LRMDA: variants seen among roughly 807,000 people sequenced by gnomAD.
LRMDA encodes leucine rich melanocyte differentiation associated, also known as leucine-rich melanocyte differentiation-associated protein.
A neutral mutation model predicts 29.8 loss-of-function variants in LRMDA; 18 were observed. That is an observed-to-expected ratio of 0.60 (90% CI 0.42 to 0.90). The LOEUF (loss-of-function observed/expected upper bound fraction) is 0.90. Ranked by LOEUF, LRMDA falls within the 40% of genes least tolerant of loss-of-function variation. The pLI, the probability that LRMDA is intolerant of heterozygous loss-of-function variation, is 0.00. For missense variants in LRMDA, 273 were observed against 273.9 expected, an observed-to-expected ratio of 1.00 and a Z score of 0.02; for synonymous variants, 125 against 109.4, an observed-to-expected ratio of 1.14 and a Z score of -0.89.
chr10:75,929,468 T>G (rs1367283058), intron 2 of LRMDA, among the ~76,000 whole-genome samples: 1 of 152,190 alleles, frequency 6.6e-6, no homozygotes, highest in Non-Finnish European at 1.5e-5. Flanking sequence ...AACCTTCATT[T>G]TCGTGGTTGA....
chr10:76,450,987 C>CT (rs1181595345), intron 6 of LRMDA, among the ~76,000 whole-genome samples: 1 of 152,044 alleles, frequency 6.6e-6, no homozygotes, highest in Non-Finnish European at 1.5e-5. Context: ...ATATTGTTGT[C>CT]TTTTTTTGTA....
At chr10:76,246,262 C>G (rs73286971) in intron 5 of LRMDA, among the ~76,000 whole-genome samples, 1 of 152,054 alleles carries the variant, frequency 6.6e-6, no homozygotes, top group Non-Finnish European at 1.5e-5. Context: ...ATGGTCCTGG[C>G]GGACTGAAGG....
At chr10:75,965,199 G>A (rs1048295115) in intron 2 of LRMDA, among the ~76,000 whole-genome samples, 10 of 152,284 alleles carry the variant, frequency 6.6e-5, no homozygotes, top group Non-Finnish European at 1.2e-4. Flanking sequence ...AAAGAAGTGA[G>A]GCACTGCAGC....
chr10:76,020,835 C>T (rs932041444), intron 2 of LRMDA, among the ~76,000 whole-genome samples: 1 of 152,238 alleles, frequency 6.6e-6, no homozygotes, highest in Admixed American at 6.5e-5. Flanking sequence ...AGCAATTCTG[C>T]GCCTGAGGAA....
In LRMDA at chr10:76,095,945, A is replaced by G. The variant is rs1441015956; in HGVS notation, c.516+37162A>G. Among the ~76,000 whole-genome samples the G allele has an allele frequency of 9.7e-5, 14 of 143,686 alleles. No homozygotes were observed. In the East Asian group the frequency reaches 2.8e-3, roughly 29 times the overall value. 94.3% of individuals were successfully genotyped at this position (143,686 alleles called of 152,430 possible). Reference sequence around the variant, plus strand: ...GGGAGACAGCGAGACTCCGTCTCAGAAAAAAAAAAAAAAAGTGGGTTGTTT... The same window carrying G: ...GGGAGACAGCGAGACTCCGTCTCAGGAAAAAAAAAAAAAAGTGGGTTGTTT... On this transcript the variant is annotated intron_variant, in intron 5 of 6. Coordinates refer to ENST00000611255, the MANE Select transcript of LRMDA (RefSeq NM_001305581.2).
At chr10:75,433,709 C>G (rs1369843661) in intron 1 of LRMDA, among the ~76,000 whole-genome samples, 2 of 152,124 alleles carry the variant, frequency 1.3e-5, no homozygotes, top group African/African-American at 4.8e-5. Flanking sequence ...CGCAAAACTT[C>G]CCATGAGCCC....
intron 2 of LRMDA, among the ~76,000 whole-genome samples, chr10:75,439,826 AAGGAG>A (rs780358927): frequency 3.9e-5 from 6 of 152,132 alleles, no homozygotes; most frequent in Non-Finnish European, 7.4e-5. Context: ...TCCAGTACCT[AAGGAG>A]AGGACCGAGT....
At chr10:76,345,029 A>T (rs572274676) in intron 6 of LRMDA, among the ~76,000 whole-genome samples, 258 of 139,112 alleles carry the variant, frequency 1.9e-3, no homozygotes, top group Middle Eastern at 7.0e-3. Context: ...GATTTTATTT[A>T]AAAAAAACCT....
At chr10:76,189,272 G>A (rs765147292) in intron 5 of LRMDA, among the ~76,000 whole-genome samples, 4 of 152,060 alleles carry the variant, frequency 2.6e-5, no homozygotes, top group African/African-American at 4.8e-5. Context: ...CAGGAGAATC[G>A]CTTTGACGCT....
chr10:76,260,547 C>G (rs1051067812), intron 5 of LRMDA, among the ~76,000 whole-genome samples: 1 of 152,030 alleles, frequency 6.6e-6, no homozygotes, highest in Non-Finnish European at 1.5e-5. Flanking sequence ...TGCGGAGAAA[C>G]CCATTATTAA....
chr10:76,305,150 A>AT (rs1840537012), intron 5 of LRMDA, among the ~76,000 whole-genome samples: 1 of 152,156 alleles, frequency 6.6e-6, no homozygotes. Flanking sequence ...CACTTGCAGG[A>AT]TAAACCCAGG....
chr10:75,871,120 G>C (rs993389131), intron 2 of LRMDA, among the ~76,000 whole-genome samples: 5 of 152,066 alleles, frequency 3.3e-5, no homozygotes, highest in African/African-American at 1.2e-4. Flanking sequence ...ATTTCCCCTA[G>C]CTGTTCCCCT....
chr10:76,017,581 T>A (rs1168747865), intron 2 of LRMDA, among the ~76,000 whole-genome samples: 1 of 152,142 alleles, frequency 6.6e-6, no homozygotes, highest in Non-Finnish European at 1.5e-5. Flanking sequence ...CTGTCCGAGG[T>A]CTCCCATTAC....
At chr10:75,963,642 G>A (rs1372997057) in intron 2 of LRMDA, among the ~76,000 whole-genome samples, 1 of 152,160 alleles carries the variant, frequency 6.6e-6, no homozygotes, top group Non-Finnish European at 1.5e-5. Context: ...GGTGAATCTG[G>A]GAAGGTTACA....
At chr10:76,375,604 A>G (rs748376196) in intron 6 of LRMDA, among the ~76,000 whole-genome samples, 1 of 152,206 alleles carries the variant, frequency 6.6e-6, no homozygotes, top group Non-Finnish European at 1.5e-5. Context: ...CTGCTGGTCC[A>G]TCAAAGCAGG....
intron 5 of LRMDA, among the ~76,000 whole-genome samples, chr10:76,255,714 C>T (rs181514289): frequency 1.8e-3 from 268 of 152,246 alleles, no homozygotes; most frequent in Non-Finnish European, 3.2e-3. Context: ...AGATTTAAAT[C>T]ATTCCGAAAG....
At chr10:76,212,916 G>A (rs1399398502) in intron 5 of LRMDA, among the ~76,000 whole-genome samples, 2 of 152,174 alleles carry the variant, frequency 1.3e-5, no homozygotes, top group Non-Finnish European at 2.9e-5. Context: ...CATAAATTCA[G>A]TCCCTTTTGT....
At chr10:76,102,344 A>G (rs967309869) in intron 5 of LRMDA, among the ~76,000 whole-genome samples, 2 of 152,184 alleles carry the variant, frequency 1.3e-5, no homozygotes, top group African/African-American at 4.8e-5. Flanking sequence ...CCAGGTAATA[A>G]GCACAATACC....
At chr10:76,218,640 A>G (rs1851771533) in intron 5 of LRMDA, among the ~76,000 whole-genome samples, 1 of 152,206 alleles carries the variant, frequency 6.6e-6, no homozygotes, top group African/African-American at 2.4e-5. Flanking sequence ...ATGGACAATG[A>G]GATCTCTTCT....
Sources: gnomAD v4.1 joint callset for allele counts (sites outside exome capture counted in the v4.1 genomes callset) on GRCh38, gnomAD v4.1.1 for gene constraint, MANE v1.5 for transcripts, NCBI Gene and HGNC (gene_info 2026-07-23, HGNC 2026-07-21) for gene names.